The following STX8 variants were observed in gnomAD, a reference collection of about 807,000 sequenced individuals.
The protein encoded by STX8 is syntaxin-8.
A neutral mutation model predicts 37.5 loss-of-function variants in STX8; 23 were observed. The observed-to-expected ratio is 0.61, with a 90% confidence interval of 0.44 to 0.87. The LOEUF (loss-of-function observed/expected upper bound fraction) is 0.87, where lower values mean the gene tolerates loss of function less well. Ranked by LOEUF, STX8 falls within the 40% of genes least tolerant of loss-of-function variation. The probability of loss-of-function intolerance (pLI) is 0.00; values close to 1 mark genes in which losing one functional copy is unlikely to be tolerated. For synonymous variants in STX8, 115 were observed against 99.1 expected (o/e 1.16, Z -0.95); for missense variants, 313 against 284.7 (o/e 1.10, Z -0.71).
At chr17:9,385,935 G>T (rs1333918568) in intron 6 of STX8, among the ~76,000 whole-genome samples, 1 of 152,138 alleles carries the variant, frequency 6.6e-6, no homozygotes, top group Non-Finnish European at 1.5e-5. Flanking sequence ...CACTGCGCCT[G>T]TCTAATTTTT....
chr17:9,347,148 A>T (rs569118150), intron 7 of STX8, among the ~76,000 whole-genome samples: 20 of 151,924 alleles, frequency 1.3e-4, no homozygotes, highest in East Asian at 3.9e-4. Flanking sequence ...AAAAAAATAA[A>T]AAAAAAAAAA....
chr17:9,487,623 C>G (rs1192501267), intron 6 of STX8, among the ~76,000 whole-genome samples: 1 of 152,056 alleles, frequency 6.6e-6, no homozygotes, highest in East Asian at 1.9e-4. Flanking sequence ...GAGGCCACCA[C>G]AGAGAAAACC....
At chr17:9,519,041 T>G (rs62066223) in intron 4 of STX8, among the ~76,000 whole-genome samples, 35,465 of 151,024 alleles carry the variant, frequency 0.23, 5,362 homozygotes, top group African/African-American at 0.42. Flanking sequence ...ATCTGGAGGG[T>G]TTGGGGGGAG....
intron 7 of STX8, among the ~76,000 whole-genome samples, chr17:9,310,357 T>C (rs141085391): frequency 6.6e-6 from 1 of 152,174 alleles, no homozygotes. Context: ...ACGCGAGGAA[T>C]TGCTAACTCT....
At chr17:9,487,027 T>C (rs1567582244) in intron 6 of STX8, among the ~76,000 whole-genome samples, 1 of 152,074 alleles carries the variant, frequency 6.6e-6, no homozygotes, top group Non-Finnish European at 1.5e-5. Context: ...GCCATTAGGG[T>C]CTGTCATCAC....
rs1389349408 is a variant in STX8 at position 9,250,610 on chromosome 17, T to A, written c.679A>T (p.Ile227Phe). 6.2e-7 allele frequency: 1 copy of A among 1,600,736 alleles called. No homozygotes were observed. Among genetic ancestry groups the A allele is most frequent in the Non-Finnish European group, 8.5e-7 (1 of 1,173,920 alleles). Residue 227 changes from isoleucine (I) to phenylalanine (F), a missense_variant, in exon 8 of 8, where the codon ATC becomes TTC. Ile to Phe is a conservative substitution (Grantham distance 21). Coordinates refer to ENST00000306357, the MANE Select transcript of STX8 (RefSeq NM_004853.3). ...GTCGGCCAGACTGCAACAACCACGA[T>A]AGCCACAAGCAGCAGTAAAATCACC... is the stretch of plus-strand genomic sequence containing the variant. ...IMVILLLLVA[I>F]VVVAVWPTN
chr17:9,263,054 T>G (rs1404987078), intron 7 of STX8, among the ~76,000 whole-genome samples: 11 of 152,222 alleles, frequency 7.2e-5, no homozygotes, highest in Admixed American at 7.2e-4. Context: ...AGTCCCAAGA[T>G]GTTGCCTCTG....
At chr17:9,566,244 C>G (rs1377784418) in intron 2 of STX8, among the ~76,000 whole-genome samples, 1 of 152,136 alleles carries the variant, frequency 6.6e-6, no homozygotes, top group African/African-American at 2.4e-5. Flanking sequence ...CAAATCGAAA[C>G]CACAATGAGA....
intron 7 of STX8, among the ~76,000 whole-genome samples, chr17:9,366,675 G>A (rs540631668): frequency 1.3e-5 from 2 of 152,226 alleles, no homozygotes; most frequent in South Asian, 4.1e-4. Flanking sequence ...ATAAGCCCAA[G>A]AGTTGCCCCA....
chr17:9,362,617 GAC>G (rs1300627402), intron 7 of STX8, among the ~76,000 whole-genome samples: 3 of 151,926 alleles, frequency 2.0e-5, no homozygotes, highest in African/African-American at 7.3e-5. Context: ...AGGAGTCTAA[GAC>G]CAGACTGGCT....
chr17:9,442,804 C>T (rs528875871), intron 6 of STX8, among the ~76,000 whole-genome samples: 1 of 152,210 alleles, frequency 6.6e-6, no homozygotes, highest in South Asian at 2.1e-4. Flanking sequence ...AGCATTGTCT[C>T]CAGGTGGTAT....
chr17:9,432,129 G>A (rs544656018), intron 6 of STX8, among the ~76,000 whole-genome samples: 1 of 151,674 alleles, frequency 6.6e-6, no homozygotes, highest in Middle Eastern at 3.4e-3. Context: ...GAAAACAACT[G>A]CTTTTCAGAT....
At chr17:9,305,290 A>C (rs1908940241) in intron 7 of STX8, among the ~76,000 whole-genome samples, 1 of 151,998 alleles carries the variant, frequency 6.6e-6, no homozygotes. Flanking sequence ...ATGGGGTTGC[A>C]CCATGTTGGC....
rs1423823906 is a variant in STX8, at chr17:9,507,234, G to A, written c.324-2072C>T. Among the ~76,000 whole-genome samples the A allele has an allele frequency of 6.6e-6, 1 of 150,774 alleles. No homozygotes were observed. The highest frequency in any genetic ancestry group is 2.0e-4 in the East Asian group (1 of 5,096). On this transcript the variant is annotated intron_variant, in intron 4 of 7. Transcript: ENST00000306357. This position sits in a 1 kb window ranked among gnomAD's most constrained non-coding sequence, Gnocchi z 4.0. ...GCCCAAAGGCCCCACACCTCAATCA[G>A]GGCCTGAGAAACAACCCTGCAGGCT...
intron 6 of STX8, among the ~76,000 whole-genome samples, chr17:9,468,820 T>TCGGCACC (rs1905723988): frequency 6.6e-6 from 1 of 152,174 alleles, no homozygotes; most frequent in Non-Finnish European, 1.5e-5. Context: ...GAAGGCCATT[T>TCGGCACC]CGGCACCCGG....
At chr17:9,361,446 C>T (rs747457223) in intron 7 of STX8, among the ~76,000 whole-genome samples, 11 of 152,172 alleles carry the variant, frequency 7.2e-5, no homozygotes, top group African/African-American at 2.4e-4. Flanking sequence ...GGACTGCAGG[C>T]GTTGCTTTGC....
intron 7 of STX8, among the ~76,000 whole-genome samples, chr17:9,311,198 C>G (rs1159691033): frequency 6.7e-6 from 1 of 149,788 alleles, no homozygotes; most frequent in Non-Finnish European, 1.5e-5. Flanking sequence ...GATTGCGCCA[C>G]TGCACTCCAG....
chr17:9,556,802 C>CATACATAT (rs1906998417), intron 3 of STX8: 1 of 95,014 alleles, frequency 1.1e-5, no homozygotes, highest in African/African-American at 3.8e-5. Context: ...TATACACATA[C>CATACATAT]ATATATATAT....
intron 5 of STX8, among the ~76,000 whole-genome samples, chr17:9,499,638 T>A (rs1014188635): frequency 3.3e-5 from 5 of 152,230 alleles, no homozygotes; most frequent in Non-Finnish European, 4.4e-5. Flanking sequence ...GACCTTGTGA[T>A]GTGCTTGCCT....
Sources: allele counts gnomAD v4.1 joint callset (sites outside exome capture counted in the v4.1 genomes callset), GRCh38; gene constraint gnomAD v4.1.1; non-coding constraint Gnocchi (gnomAD v3.1); transcripts MANE v1.5; gene names NCBI Gene and HGNC (gene_info 2026-07-23, HGNC 2026-07-21).